The following MGMT variants were observed in gnomAD, a reference collection of about 807,000 sequenced individuals.
MGMT encodes the protein O-6-methylguanine-DNA methyltransferase.
In MGMT, 14 loss-of-function variants were observed where a neutral mutation model predicts 15.9. That is an observed-to-expected ratio of 0.88 (90% CI 0.58 to 1.37). The LOEUF (loss-of-function observed/expected upper bound fraction) is 1.37. Among genes scored for constraint, MGMT ranks in the 40% most tolerant of loss-of-function variants. The pLI is 0.00. For synonymous variants in MGMT, 130 were observed against 118.2 expected, an observed-to-expected ratio of 1.10 and a Z score of -0.65; for missense variants, 282 against 268.1, an observed-to-expected ratio of 1.05 and a Z score of -0.36.
intron 2 of MGMT, among the ~76,000 whole-genome samples, chr10:129,537,428 CTT>C (rs544670603): frequency 1.1e-3 from 160 of 152,288 alleles, no homozygotes; most frequent in African/African-American, 3.7e-3. Context: ...TGAATATACT[CTT>C]TTCAGTTTCT....
In MGMT at chr10:129,706,445, A is replaced by G. The variant is rs541959519; in HGVS notation, c.126-1450A>G. On this transcript the variant is annotated intron_variant, in intron 2 of 4. Transcript: ENST00000651593. Reference sequence around the variant, plus strand: ...CGCACGCCCCCCAAGGCAGCCCAGGAAGGAAGGGTGAAGGGCCCGCGGGAG... The same window carrying G: ...CGCACGCCCCCCAAGGCAGCCCAGGGAGGAAGGGTGAAGGGCCCGCGGGAG... Among the ~76,000 whole-genome samples the G allele has an allele frequency of 3.9e-5, 6 of 152,280 alleles. No individual in the cohort carries two copies. The South Asian group carries it at 1.0e-3, about 26-fold the overall frequency.
chr10:129,742,615 C>A (rs1848647897), intron 3 of MGMT, among the ~76,000 whole-genome samples: 1 of 151,392 alleles, frequency 6.6e-6, no homozygotes, highest in Non-Finnish European at 1.5e-5. Flanking sequence ...ACCACAGCAG[C>A]CCATGCTCAG....
At chr10:129,721,064 G>T (rs1848365476) in intron 3 of MGMT, among the ~76,000 whole-genome samples, 3 of 152,180 alleles carry the variant, frequency 2.0e-5, no homozygotes, top group Admixed American at 2.0e-4. Flanking sequence ...TTGATGGCAA[G>T]TTGATAGTTT....
intron 2 of MGMT, among the ~76,000 whole-genome samples, chr10:129,628,349 G>A (rs1847173367): frequency 6.6e-6 from 1 of 152,220 alleles, no homozygotes; most frequent in South Asian, 2.1e-4. Flanking sequence ...GTTCCAGTGA[G>A]CAAATGTTTC....
intron 3 of MGMT, among the ~76,000 whole-genome samples, chr10:129,722,965 C>G (rs1848389434): frequency 7.3e-6 from 1 of 137,458 alleles, no homozygotes; most frequent in East Asian, 2.2e-4. Flanking sequence ...GAGATCATGC[C>G]ACTGCATTCC....
chr10:129,719,634 C>G (rs947407808), intron 3 of MGMT, among the ~76,000 whole-genome samples: 1 of 152,138 alleles, frequency 6.6e-6, no homozygotes, highest in Admixed American at 6.5e-5. Context: ...CATAATCTCC[C>G]CTTCTTAGAA....
chr10:129,473,485 G>A (rs943072249), intron 1 of MGMT, among the ~76,000 whole-genome samples: 11 of 152,176 alleles, frequency 7.2e-5, no homozygotes, highest in Admixed American at 6.5e-4. Context: ...CCCGGGCCTC[G>A]GAGAGTTTGA....
chr10:129,687,841 T>TCCC (rs1428016613), intron 2 of MGMT, among the ~76,000 whole-genome samples: 2 of 151,546 alleles, frequency 1.3e-5, no homozygotes, highest in Non-Finnish European at 2.9e-5. Context: ...ATGCTATCCC[T>TCCC]CCCCCAGCCC....
intron 2 of MGMT, among the ~76,000 whole-genome samples, chr10:129,561,023 AT>A (rs1846271960): frequency 6.7e-6 from 1 of 149,240 alleles, no homozygotes; most frequent in Non-Finnish European, 1.5e-5. Context: ...GCAGTGTTAT[AT>A]CTGAAGGGAA....
Position 129,612,862 on chromosome 10 carries a change from C to T in MGMT, c.125+76485C>T, listed in dbSNP as rs185525925. Among the ~76,000 whole-genome samples, 7 of 152,300 alleles carry T rather than the reference C, an allele frequency of 4.6e-5. No homozygotes were observed. The South Asian group carries it at 6.2e-4, about 14-fold the overall frequency. ...CAGGCTCTGCCTCTTCCGTCCCCCT[C>T]GCCCAATGTGGACTCTGCCCGTCCT... On this transcript the variant is annotated intron_variant, in intron 2 of 4. Transcript: ENST00000651593.
chr10:129,511,108 GATGGGA>G (rs1845677787), intron 1 of MGMT, among the ~76,000 whole-genome samples: 1 of 142,976 alleles, frequency 7.0e-6, no homozygotes, highest in Admixed American at 7.0e-5. Flanking sequence ...TGCTTCATGT[GATGGGA>G]ACCCAGTATA....
At chr10:129,723,438 A>C (rs917279731) in intron 3 of MGMT, among the ~76,000 whole-genome samples, 3 of 152,206 alleles carry the variant, frequency 2.0e-5, no homozygotes, top group Non-Finnish European at 4.4e-5. Flanking sequence ...TCATATACCT[A>C]AAGGAGAAGC....
chr10:129,708,701 A>G (rs996167647), intron 3 of MGMT, among the ~76,000 whole-genome samples: 5 of 152,210 alleles, frequency 3.3e-5, no homozygotes, highest in African/African-American at 1.2e-4. Context: ...CATGCCAGAA[A>G]TTTATTTTGC....
chr10:129,717,182 T>C (rs1848309710), intron 3 of MGMT, among the ~76,000 whole-genome samples: 1 of 152,230 alleles, frequency 6.6e-6, no homozygotes, highest in Non-Finnish European at 1.5e-5. Context: ...CGGTATCAAC[T>C]TTCAGTGTGA....
At chr10:129,622,204 C>T (rs1421244919) in intron 2 of MGMT, among the ~76,000 whole-genome samples, 1 of 152,172 alleles carries the variant, frequency 6.6e-6, no homozygotes, top group Non-Finnish European at 1.5e-5. Flanking sequence ...ATTGGTATGA[C>T]CTGAATCGAA....
At chr10:129,734,747 T>C (rs75225702) in intron 3 of MGMT, among the ~76,000 whole-genome samples, 36,215 of 152,014 alleles carry the variant, frequency 0.24, 5,087 homozygotes, top group East Asian at 0.43. Flanking sequence ...CAATACCTAA[T>C]TTATTGAGAG....
At chr10:129,643,987 A>G (rs969179271) in intron 2 of MGMT, among the ~76,000 whole-genome samples, 3 of 152,100 alleles carry the variant, frequency 2.0e-5, no homozygotes, top group South Asian at 4.2e-4. Flanking sequence ...TCACTCTTCA[A>G]TACTTTGATG....
chr10:129,612,504 G>A (rs1378879492), intron 2 of MGMT, among the ~76,000 whole-genome samples: 2 of 152,178 alleles, frequency 1.3e-5, no homozygotes, highest in African/African-American at 4.8e-5. Context: ...TCATTACCTA[G>A]TTTTATACCC....
intron 1 of MGMT, among the ~76,000 whole-genome samples, chr10:129,469,598 C>A (rs562078761): frequency 1.3e-5 from 2 of 152,226 alleles, no homozygotes; most frequent in East Asian, 1.9e-4. Context: ...GCCCTGTGCT[C>A]ATTCGGCTCT....
Sources: gnomAD v4.1 joint callset for allele counts (sites outside exome capture counted in the v4.1 genomes callset) on GRCh38, gnomAD v4.1.1 for gene constraint, MANE v1.5 for transcripts, NCBI Gene and HGNC (gene_info 2026-07-23, HGNC 2026-07-21) for gene names.